Variants in MET observed in about 807,000 individuals in gnomAD.
MET encodes the protein MET proto-oncogene, receptor tyrosine kinase, also known as hepatocyte growth factor receptor.
In MET, 48 loss-of-function variants were observed where a neutral mutation model predicts 133.1. The observed-to-expected ratio is 0.36, with a 90% CI of 0.29 to 0.46. MET has a LOEUF of 0.46. Ranked by LOEUF, MET falls within the 20% of genes least tolerant of loss-of-function variation. The probability of loss-of-function intolerance (pLI) is 1.00; values close to 1 mark genes in which losing one functional copy is unlikely to be tolerated. For missense variants in MET, 1,442 were observed against 1,695.9 expected (o/e 0.85, Z 2.63); for synonymous variants, 628 against 616.5 (o/e 1.02, Z -0.28).
chr7:116,723,939 T>A (rs1792614108), intron 2 of MET, among the ~76,000 whole-genome samples: 1 of 152,256 alleles, frequency 6.6e-6, no homozygotes, highest in South Asian at 2.1e-4. Flanking sequence ...TCTTTTTGTT[T>A]GTCTGTGCCC....
At chr7:116,689,328 C>G (rs183224025) in intron 1 of MET, among the ~76,000 whole-genome samples, 7 of 152,138 alleles carry the variant, frequency 4.6e-5, no homozygotes, top group African/African-American at 1.4e-4. Flanking sequence ...ACATTCTACC[C>G]CAACAGATAA....
At chr7:116,693,575 T>A (rs1354227374) in intron 1 of MET, among the ~76,000 whole-genome samples, 2 of 152,190 alleles carry the variant, frequency 1.3e-5, no homozygotes, top group Non-Finnish European at 2.9e-5. Context: ...CTCAGAATTG[T>A]GAATGCATTA....
At chr7:116,766,167 A>G (rs1794621258) in intron 11 of MET, among the ~76,000 whole-genome samples, 1 of 152,194 alleles carries the variant, frequency 6.6e-6, no homozygotes, top group African/African-American at 2.4e-5. Context: ...CTTTTTATGC[A>G]TGAGCATATC....
At chr7:116,734,462 T>G (rs1793138232) in intron 3 of MET, among the ~76,000 whole-genome samples, 1 of 152,214 alleles carries the variant, frequency 6.6e-6, no homozygotes, top group African/African-American at 2.4e-5. Context: ...GTCATTTGAT[T>G]AGAAAGAATT....
intron 1 of MET, among the ~76,000 whole-genome samples, chr7:116,684,435 T>C (rs1017346121): frequency 6.6e-6 from 1 of 152,138 alleles, no homozygotes; most frequent in African/African-American, 2.4e-5. Context: ...CACAGATAAA[T>C]AAGTTACTAT....
intron 2 of MET, among the ~76,000 whole-genome samples, chr7:116,723,803 G>T (rs1792607554): frequency 6.6e-6 from 1 of 152,200 alleles, no homozygotes. Context: ...TCGGGGGTCA[G>T]GGGTCAGGGA....
intron 11 of MET, among the ~76,000 whole-genome samples, chr7:116,765,716 C>A (rs1161745729): frequency 6.6e-6 from 1 of 152,178 alleles, no homozygotes. Context: ...CTATCAACAA[C>A]AGCTCATGTT....
chr7:116,769,619 A>G (rs1584953009), intron 11 of MET, 26 bp from the exon 12 acceptor site: 1 of 1,546,766 alleles, frequency 6.5e-7, no homozygotes. Context: ...AGTGTTAACA[A>G]CCTTTTTTTT....
intron 1 of MET, among the ~76,000 whole-genome samples, chr7:116,684,437 A>C (rs1408539401): frequency 6.6e-6 from 1 of 152,220 alleles, no homozygotes. Context: ...CAGATAAATA[A>C]GTTACTATAT....
chr7:116,718,626 A>G (rs1266379680), intron 2 of MET, among the ~76,000 whole-genome samples: 38 of 141,792 alleles, frequency 2.7e-4, no homozygotes, highest in African/African-American at 7.5e-4. Context: ...ATATCTCCCA[A>G]TGCTATCCCT....
At chr7:116,716,766 T>A (rs1430246761) in intron 2 of MET, among the ~76,000 whole-genome samples, 1 of 152,092 alleles carries the variant, frequency 6.6e-6, no homozygotes, top group African/African-American at 2.4e-5. Flanking sequence ...TAGAGTTAGG[T>A]CATCACCACG....
intron 5 of MET, among the ~76,000 whole-genome samples, chr7:116,742,981 G>A (rs1031010611): frequency 6.6e-6 from 1 of 152,182 alleles, no homozygotes; most frequent in African/African-American, 2.4e-5. Flanking sequence ...TCTGCAGCTC[G>A]CAGCAAGATC....
chr7:116,718,088 A>T (rs535992810), intron 2 of MET, among the ~76,000 whole-genome samples: 2 of 152,300 alleles, frequency 1.3e-5, no homozygotes, highest in South Asian at 2.1e-4. Flanking sequence ...ACAAGTTTTT[A>T]AAAAATAATA....
chr7:116,730,569 T>C (rs962854252), intron 2 of MET, among the ~76,000 whole-genome samples: 1 of 152,000 alleles, frequency 6.6e-6, no homozygotes, highest in Non-Finnish European at 1.5e-5. Flanking sequence ...ATGAGGTGGC[T>C]AGGATGAAAA....
At chr7:116,788,156 G>T (rs1187287184) in intron 19 of MET, among the ~76,000 whole-genome samples, 1 of 152,148 alleles carries the variant, frequency 6.6e-6, no homozygotes, top group Non-Finnish European at 1.5e-5. Context: ...CAAATCAGTG[G>T]TTGCCTGGGG....
At chr7:116,740,146 C>T in intron 4 of MET, 62 bp downstream of exon 4, 1 of 1,589,806 alleles carries the variant, frequency 6.3e-7, no homozygotes, top group Non-Finnish European at 8.6e-7. Flanking sequence ...TATTTACAAC[C>T]AGTGTCACTT....
intron 18 of MET, among the ~76,000 whole-genome samples, 199 bp from the exon 19 acceptor site, chr7:116,783,105 T>C (rs927215348): frequency 2.0e-5 from 3 of 152,256 alleles, no homozygotes; most frequent in Admixed American, 2.0e-4. Flanking sequence ...GCCTGTTGAA[T>C]TGGCAATGTC....
Position 116,763,030 on chromosome 7 carries a change from A to G in MET, c.2365-20A>G. On this transcript the variant is annotated intron_variant, in intron 10 of 20. Transcript: ENST00000397752. ...CCAAGCTGTATTCTGTTTACAGTGG[A>G]TAATTGTGTCTTTCTCTAGGCATGT... The G allele has an allele frequency of 6.3e-7, 1 of 1,597,472 alleles. No homozygotes were observed. The highest frequency in any genetic ancestry group is 8.6e-7 in the Non-Finnish European group (1 of 1,165,094).
intron 10 of MET, among the ~76,000 whole-genome samples, chr7:116,761,222 C>T (rs771500235): frequency 2.8e-4 from 43 of 151,956 alleles, no homozygotes; most frequent in Non-Finnish European, 4.9e-4. Context: ...CAATGGTAGA[C>T]GATAAAAATC....
Sources: allele counts gnomAD v4.1 joint callset (sites outside exome capture counted in the v4.1 genomes callset), GRCh38; gene constraint gnomAD v4.1.1; transcripts MANE v1.5; gene names NCBI Gene and HGNC (gene_info 2026-07-23, HGNC 2026-07-21).